Variants in IKZF4 observed in about 807,000 individuals in gnomAD.
The protein encoded by IKZF4 is zinc finger protein Eos.
In IKZF4, 11 loss-of-function variants were observed where a neutral mutation model predicts 47.7. The ratio of observed to expected loss-of-function variants is 0.23; its 90% CI spans 0.15 to 0.38. The LOEUF (loss-of-function observed/expected upper bound fraction) is 0.38. Among genes scored for constraint, IKZF4 ranks in the 10% least tolerant of loss-of-function variants. IKZF4 has a pLI of 1.00. For missense variants in IKZF4, 557 were observed against 784.9 expected (o/e 0.71, Z 3.47); for synonymous variants, 298 against 299.4 (o/e 1.00, Z 0.05).
At chr12:56,028,261 C>A (rs1421554740) in intron 5 of IKZF4, among the ~76,000 whole-genome samples, 2 of 151,894 alleles carry the variant, frequency 1.3e-5, no homozygotes, top group Non-Finnish European at 1.5e-5. Flanking sequence ...CGCGGTGGCT[C>A]ACGCCTGTAA....
Position 56,027,807 on chromosome 12 carries a change from G to A in IKZF4, c.575G>A (p.Cys192Tyr). ...TGERPFHCNQ[C>Y]GASFTQKGNL... Reference sequence around the variant, plus strand: ...GAAAGGCCCTTCCATTGCAACCAGTGTGGTGCCTCCTTCACCCAGAAGGGG... The same window carrying A: ...GAAAGGCCCTTCCATTGCAACCAGTATGGTGCCTCCTTCACCCAGAAGGGG... Residue 192 changes from cysteine (C) to tyrosine (Y), a missense_variant, in exon 5 of 8, where the codon TGT becomes TAT. Cys to Tyr is a radical substitution (Grantham distance 194). This residue lies in a region of IKZF4 where 27 missense variants were observed against 85.4 expected (regional missense o/e 0.32). Coordinates refer to ENST00000547167, the MANE Select transcript of IKZF4 (RefSeq NM_022465.4). 1 of 1,613,362 alleles carries A rather than the reference G, an allele frequency of 6.2e-7. No homozygotes were observed. The highest frequency in any genetic ancestry group is 1.1e-5 in the South Asian group (1 of 90,914).
intron 7 of IKZF4, among the ~76,000 whole-genome samples, chr12:56,034,267 G>C (rs923427581): frequency 6.6e-6 from 1 of 152,184 alleles, no homozygotes; most frequent in African/African-American, 2.4e-5. Context: ...GAGTCAGAGA[G>C]AGGAAATAAG....
At position 56,032,649 on chromosome 12, in the gene IKZF4, G is replaced by A. The variant is rs376369903; in HGVS notation, c.804G>A (p.Glu268=). Residue 268 remains glutamate, a synonymous_variant, in exon 6 of 8, where the codon GAG becomes GAA. Transcript: ENST00000547167. ...KQQSTLEEHK[E]RCHNYLQSLS... is the part of the protein sequence containing the mutation. The stretch of plus-strand genomic sequence containing the variant: ...AGAGTACCCTGGAGGAGCACAAGGA[G>A]CGGTGCCATAACTACCTACAGAGTC... The A allele has an allele frequency of 3.4e-5, 55 of 1,613,952 alleles. No homozygotes were observed. The highest frequency in any genetic ancestry group is 4.7e-5 in the Non-Finnish European group (55 of 1,179,910).
intron 5 of IKZF4, 112 bp downstream of exon 5, chr12:56,028,059 G>T: frequency 8.2e-7 from 1 of 1,223,082 alleles, no homozygotes; most frequent in South Asian, 1.7e-5. Context: ...TTGAGGAGGG[G>T]GGAGCATTTA....
At chr12:56,013,386 G>C (rs1891582008) in intron 2 of IKZF4, among the ~76,000 whole-genome samples, 1 of 151,958 alleles carries the variant, frequency 6.6e-6, no homozygotes, top group Non-Finnish European at 1.5e-5. Context: ...AGTAGAGATG[G>C]GGTTTCGCCA....
At chr12:56,015,640 C>T (rs967568339) in intron 2 of IKZF4, among the ~76,000 whole-genome samples, 3 of 152,190 alleles carry the variant, frequency 2.0e-5, no homozygotes, top group African/African-American at 7.2e-5. Flanking sequence ...AGGTGATCCA[C>T]CCACCTCGCC....
In IKZF4 at chr12:56,034,941, C is replaced by T. The variant is rs1362808831; in HGVS notation, c.1368C>T (p.Ser456=). The change falls in exon 8 of 8, where the codon TCC becomes TCT. Residue 456 remains serine (S), a synonymous_variant. Coordinates refer to ENST00000547167, the MANE Select transcript of IKZF4 (RefSeq NM_022465.4). ...GASPSNGCQD[S]TDTESNHEDR... is the part of the protein sequence containing the mutation. ...CCCCCAGCAATGGCTGCCAGGACTC[C>T]ACAGACACAGAAAGCAACCACGAAG... 2 of 1,582,486 alleles carry T rather than the reference C, an allele frequency of 1.3e-6. No homozygotes were observed. Among genetic ancestry groups the T allele is most frequent in the Admixed American group, 3.5e-5 (2 of 56,456 alleles).
chr12:56,021,347 C>T lies in IKZF4; in HGVS notation c.-147C>T. ...CACACATACACCCTGGGCTGAGCTG[C>T]TCTTGCTGGCTGCAGCCGTGGGCCT... On this transcript the variant is annotated 5_prime_UTR_variant, in exon 1 of 8. Transcript: ENST00000547167. 1 of 1,541,058 alleles carries T rather than the reference C, an allele frequency of 6.5e-7. No homozygotes were observed.
At position 56,025,108 on chromosome 12, in the gene IKZF4, C is replaced by CG; in HGVS notation, c.238dup (p.Val80GlyfsTer12). 6.2e-7 allele frequency: 1 copy of CG among 1,603,898 alleles called. No individual in the cohort carries two copies. The highest frequency in any genetic ancestry group is 8.5e-7 in the Non-Finnish European group (1 of 1,175,550). ...TTCCTCGGGGCCCCAGTGGGGCCCT[C>CG]GGTGAGCACCCCCAACAGCCAGCAC... On this transcript the variant is annotated frameshift_variant, in exon 3 of 8. Transcript: ENST00000547167. LOFTEE classifies it high-confidence loss of function.
Position 56,038,360 on chromosome 12 carries a change from CG to C in IKZF4, c.*3031del, listed in dbSNP as rs1895794370. On this transcript the variant is annotated 3_prime_UTR_variant, in exon 8 of 8. Coordinates refer to ENST00000547167, the MANE Select transcript of IKZF4 (RefSeq NM_022465.4). ...ATATTGTAAGTAAATATTTGTGTAA[CG>C]GAGATATACTACTGTAAGTTTTGTA... 1 of 152,426 alleles carries C rather than the reference CG, an allele frequency of 6.6e-6. No individual in the cohort carries two copies. Among genetic ancestry groups the C allele is most frequent in the South Asian group, 2.1e-4 (1 of 4,824 alleles). 9.4% of individuals were successfully genotyped at this position (152,426 alleles called of 1,614,324 possible). A position where few individuals can be genotyped will look rare whatever the true frequency, so the allele number is the denominator to read the frequency against.
At position 56,023,774 on chromosome 12, in the gene IKZF4, T is replaced by A. The variant is rs765451675; in HGVS notation, c.181+10T>A. Reference sequence around the variant, plus strand: ...TCTTTATTTTGTGAAAGTAAGTATGTGCATAGCTGGGCAATTGGGTAAAGT... The same window carrying A: ...TCTTTATTTTGTGAAAGTAAGTATGAGCATAGCTGGGCAATTGGGTAAAGT... On this transcript the variant is annotated intron_variant, in intron 2 of 7. Transcript: ENST00000547167. 2 of 1,612,820 alleles carry A rather than the reference T, an allele frequency of 1.2e-6. No individual in the cohort carries two copies. Among genetic ancestry groups the A allele is most frequent in the Non-Finnish European group, 8.5e-7 (1 of 1,179,242 alleles).
chr12:56,026,395 G>A (rs1001519406), intron 3 of IKZF4, among the ~76,000 whole-genome samples: 5 of 151,998 alleles, frequency 3.3e-5, no homozygotes, highest in Non-Finnish European at 7.4e-5. Flanking sequence ...TAAACTTTAA[G>A]AGTGCCATTC....
upstream of IKZF4, chr12:56,007,587 G>T: frequency 6.4e-6 from 1 of 157,164 alleles, no homozygotes; most frequent in South Asian, 1.8e-4. Flanking sequence ...CCGGCCCGGC[G>T]ACTGCCGCCG....
At chr12:56,008,405 C>T (rs1354218654) in intron 1 of IKZF4, among the ~76,000 whole-genome samples, 1 of 152,134 alleles carries the variant, frequency 6.6e-6, no homozygotes, top group Non-Finnish European at 1.5e-5. Flanking sequence ...AGCAGGCTGC[C>T]TGCTCCTGTG....
chr12:56,015,158 CCT>C (rs1891860101), intron 2 of IKZF4, among the ~76,000 whole-genome samples: 1 of 152,126 alleles, frequency 6.6e-6, no homozygotes, highest in Admixed American at 6.5e-5. Context: ...CTCACTGCAA[CCT>C]CTGTCTCCCG....
intron 2 of IKZF4, among the ~76,000 whole-genome samples, chr12:56,014,155 C>CAA (rs1303427048): frequency 0.011 from 909 of 80,894 alleles, 12 homozygotes; most frequent in African/African-American, 0.032. Context: ...GACTCCGTCT[C>CAA]AAAAAAAAAA....
At chr12:56,026,413 G>C (rs960098477) in intron 3 of IKZF4, among the ~76,000 whole-genome samples, 3 of 152,096 alleles carry the variant, frequency 2.0e-5, no homozygotes, top group Non-Finnish European at 4.4e-5. Context: ...TTCTGGGCCA[G>C]GCGCAGTGGC....
chr12:56,008,546 T>TA (rs1237190106), intron 1 of IKZF4, among the ~76,000 whole-genome samples: 1 of 152,134 alleles, frequency 6.6e-6, no homozygotes, highest in African/African-American at 2.4e-5. Flanking sequence ...TAAAAAAAAT[T>TA]ATGACTAGTC....
intron 1 of IKZF4, among the ~76,000 whole-genome samples, chr12:56,022,948 C>T (rs1269249221): frequency 3.3e-5 from 5 of 152,004 alleles, no homozygotes; most frequent in African/African-American, 1.2e-4. Context: ...TACAGGCGCC[C>T]GCTACCATGC....
Sources: allele counts gnomAD v4.1 joint callset (sites outside exome capture counted in the v4.1 genomes callset), GRCh38; gene constraint gnomAD v4.1.1; regional missense constraint gnomAD v4.1.1; transcripts MANE v1.5; gene names NCBI Gene and HGNC (gene_info 2026-07-23, HGNC 2026-07-21).